The following LYPD1 variants were observed in gnomAD, a reference collection of about 807,000 sequenced individuals.
LYPD1 encodes the protein ly6/PLAUR domain-containing protein 1.
A neutral mutation model predicts 14.2 loss-of-function variants in LYPD1; 14 were observed. That is an observed-to-expected ratio of 0.99 (90% CI 0.65 to 1.54). The LOEUF (loss-of-function observed/expected upper bound fraction) is 1.54. Among genes scored for constraint, LYPD1 ranks in the 40% most tolerant of loss-of-function variants. LYPD1 has a pLI of 0.00. For missense variants in LYPD1, 165 were observed against 175.7 expected (o/e 0.94, Z 0.34); for synonymous variants, 85 against 70.6 (o/e 1.20, Z -1.02).
chr2:132,661,134 G>C (rs565603937), intron 2 of LYPD1, among the ~76,000 whole-genome samples: 2 of 152,220 alleles, frequency 1.3e-5, no homozygotes, highest in Non-Finnish European at 2.9e-5. Flanking sequence ...GGTGGCCTAA[G>C]AGTGAGGCCA....
At chr2:132,665,106 A>C (rs1465486216) in intron 2 of LYPD1, among the ~76,000 whole-genome samples, 2 of 152,240 alleles carry the variant, frequency 1.3e-5, no homozygotes, top group African/African-American at 4.8e-5. Flanking sequence ...GGTGGATAAT[A>C]ATCTCAGCAC....
intron 2 of LYPD1, among the ~76,000 whole-genome samples, chr2:132,651,279 A>G (rs542472869): frequency 6.6e-6 from 1 of 152,266 alleles, no homozygotes; most frequent in East Asian, 1.9e-4. Context: ...GGTTCTTCCT[A>G]GCTATGTCCA....
At chr2:132,647,828 TTGGCTC>T (rs1287974757) in intron 2 of LYPD1, among the ~76,000 whole-genome samples, 1 of 152,188 alleles carries the variant, frequency 6.6e-6, no homozygotes, top group African/African-American at 2.4e-5. Context: ...GGTTTTGGTT[TTGGCTC>T]CGTCCTCGAG....
chr2:132,650,729 A>AAAAAAC (rs1558876250), intron 2 of LYPD1, among the ~76,000 whole-genome samples: 1 of 136,052 alleles, frequency 7.4e-6, no homozygotes, highest in African/African-American at 3.6e-5. Context: ...AAAAAAAAAC[A>AAAAAAC]AAAAACAAAA....
At chr2:132,670,210 A>G, upstream of LYPD1, 1 of 1,024,578 alleles carries the variant, frequency 9.8e-7, no homozygotes, top group Non-Finnish European at 1.3e-6. This position sits in a 1 kb window ranked among gnomAD's most constrained non-coding sequence, Gnocchi z 4.5. Context: ...TGAAGGAACT[A>G]CTGGCGATCG....
chr2:132,652,854 T>C (rs1324886674), intron 2 of LYPD1, among the ~76,000 whole-genome samples: 1 of 152,210 alleles, frequency 6.6e-6, no homozygotes, highest in Non-Finnish European at 1.5e-5. Flanking sequence ...TTGTTCTCCC[T>C]GAGGAAGTCA....
At chr2:132,671,492 C>T (rs1297948279), upstream of LYPD1, 1 of 152,200 alleles carries the variant, frequency 6.6e-6, no homozygotes, top group Non-Finnish European at 1.5e-5. Context: ...AAATGACTTT[C>T]TTTGTAATTC....
At chr2:132,656,280 G>C (rs1456345306) in intron 2 of LYPD1, among the ~76,000 whole-genome samples, 1 of 152,138 alleles carries the variant, frequency 6.6e-6, no homozygotes, top group African/African-American at 2.4e-5. Flanking sequence ...CTTTAAAGAC[G>C]AACTTTTCCA....
rs1452023335 is a variant in LYPD1 at position 132,645,398 on chromosome 2, C to G, written c.*647G>C. ...CATGCGCACTCCACCACCGACAGCG[C>G]CCGCTTTGTGCAGCGCCCGTTGCTC... is the stretch of plus-strand genomic sequence containing the variant. On this transcript the variant is annotated 3_prime_UTR_variant, in exon 3 of 3. Coordinates refer to ENST00000397463, the MANE Select transcript of LYPD1 (RefSeq NM_144586.7). 2 of 1,613,626 alleles carry G rather than the reference C, an allele frequency of 1.2e-6. No individual in the cohort carries two copies. Among genetic ancestry groups the G allele is most frequent in the African/African-American group, 2.7e-5 (2 of 74,950 alleles).
chr2:132,644,281 G>A lies in LYPD1; in HGVS notation c.*1764C>T, dbSNP rs1273581484. On this transcript the variant is annotated 3_prime_UTR_variant, in exon 3 of 3. Coordinates refer to ENST00000397463, the MANE Select transcript of LYPD1 (RefSeq NM_144586.7). ...GCAGTAAACATTTGATCTACAGAAG[G>A]GCCTTTGAGTGGTCTCTTCTCTAGG... Among the ~76,000 whole-genome samples, 2 of 152,216 alleles carry A rather than the reference G, an allele frequency of 1.3e-5. No individual in the cohort carries two copies. The highest frequency in any genetic ancestry group is 4.8e-5 in the African/African-American group (2 of 41,442).
chr2:132,648,195 A>G (rs951832411), intron 2 of LYPD1, among the ~76,000 whole-genome samples: 1 of 152,252 alleles, frequency 6.6e-6, no homozygotes, highest in Non-Finnish European at 1.5e-5. Flanking sequence ...CTAAGTATGA[A>G]AAACATTAAC....
chr2:132,661,941 GAAA>G (rs72146038), intron 2 of LYPD1, among the ~76,000 whole-genome samples: 15 of 142,432 alleles, frequency 1.1e-4, no homozygotes, highest in Admixed American at 4.9e-4. Context: ...CACCACAGCG[GAAA>G]AAAAAAAAAA....
chr2:132,645,422 T>G lies in LYPD1; in HGVS notation c.*623A>C. On this transcript the variant is annotated 3_prime_UTR_variant, in exon 3 of 3. Transcript: ENST00000397463. ...GCCCGCTTTGTGCAGCGCCCGTTGC[T>G]CTTCGCGTCCCGGCGCCAGTCCTCT... is the stretch of plus-strand genomic sequence containing the variant. The G allele has an allele frequency of 6.2e-7, 1 of 1,613,480 alleles. No individual in the cohort carries two copies. Among genetic ancestry groups the G allele is most frequent in the African/African-American group, 1.3e-5 (1 of 74,994 alleles).
chr2:132,671,165 T>G (rs548560897), upstream of LYPD1: 2 of 152,516 alleles, frequency 1.3e-5, no homozygotes, highest in East Asian at 3.9e-4. Flanking sequence ...TTCCGCAAAG[T>G]CCAAGTGACC....
At position 132,669,992 on chromosome 2, in the gene LYPD1, A is replaced by G. The variant is rs892702515; in HGVS notation, c.-60T>C. On this transcript the variant is annotated 5_prime_UTR_variant, in exon 1 of 3. Coordinates refer to ENST00000397463, the MANE Select transcript of LYPD1 (RefSeq NM_144586.7). The surrounding 1 kb of genome is among the most constrained non-coding windows in gnomAD (Gnocchi z 4.3). ...GCATCAGAGGAGGCGACAGCAGCGG[A>G]GGCTGCCCCGGCTGCAGCGGCTGTG... is the stretch of plus-strand genomic sequence containing the variant. 5 of 1,593,856 alleles carry G rather than the reference A, an allele frequency of 3.1e-6. No homozygotes were observed. The highest frequency in any genetic ancestry group is 4.3e-6 in the Non-Finnish European group (5 of 1,174,396).
chr2:132,645,431 C>T lies in LYPD1; in HGVS notation c.*614G>A. ...GTGCAGCGCCCGTTGCTCTTCGCGT[C>T]CCGGCGCCAGTCCTCTGCAAGGAGA... On this transcript the variant is annotated 3_prime_UTR_variant, in exon 3 of 3. Transcript: ENST00000397463. The T allele has an allele frequency of 6.2e-7, 1 of 1,613,632 alleles. No individual in the cohort carries two copies. Among genetic ancestry groups the T allele is most frequent in the Non-Finnish European group, 8.5e-7 (1 of 1,180,034 alleles).
chr2:132,645,419 T>TGCTCTTCGCGTCCCGGC lies in LYPD1; in HGVS notation c.*609_*625dup, dbSNP rs773140509. On this transcript the variant is annotated 3_prime_UTR_variant, in exon 3 of 3. Coordinates refer to ENST00000397463, the MANE Select transcript of LYPD1 (RefSeq NM_144586.7). ...AGCGCCCGCTTTGTGCAGCGCCCGT[T>TGCTCTTCGCGTCCCGGC]GCTCTTCGCGTCCCGGCGCCAGTCC... 1.7e-5 allele frequency: 27 copies of TGCTCTTCGCGTCCCGGC among 1,613,626 alleles called. 1 individual carries two copies. The South Asian group carries it at 2.4e-4, about 14-fold the overall frequency.
In LYPD1 at chr2:132,646,186, T is replaced by TGA. The variant is rs764730795; in HGVS notation, c.283_284dup (p.Val96GlnfsTer40). On this transcript the variant is annotated frameshift_variant, in exon 3 of 3. Coordinates refer to ENST00000397463, the MANE Select transcript of LYPD1 (RefSeq NM_144586.7). LOFTEE classifies it high-confidence loss of function. Reference sequence around the variant, plus strand: ...GGGTGTTGCAGCAGCTGATGCAAACTGAGTTCAGTTTCCCTGGGGAGCAGA... The same window carrying TGA: ...GGGTGTTGCAGCAGCTGATGCAAACTGAGAGTTCAGTTTCCCTGGGGAGCAGA... The TGA allele has an allele frequency of 6.2e-7, 1 of 1,609,794 alleles. No individual in the cohort carries two copies. The highest frequency in any genetic ancestry group is 8.5e-7 in the Non-Finnish European group (1 of 1,177,676).
intron 2 of LYPD1, among the ~76,000 whole-genome samples, chr2:132,658,189 A>G (rs1421378639): frequency 3.3e-5 from 5 of 152,244 alleles, no homozygotes; most frequent in Non-Finnish European, 7.3e-5. Flanking sequence ...GGGAAGTAAG[A>G]AGAAAAATGG....
Sources: allele counts gnomAD v4.1 joint callset (sites outside exome capture counted in the v4.1 genomes callset), GRCh38; gene constraint gnomAD v4.1.1; non-coding constraint Gnocchi (gnomAD v3.1); transcripts MANE v1.5; gene names NCBI Gene and HGNC (gene_info 2026-07-23, HGNC 2026-07-21).